RSBN1L: variants seen among roughly 807,000 people sequenced by gnomAD.
The protein encoded by RSBN1L is lysine-specific demethylase RSBN1L.
In RSBN1L, 30 loss-of-function variants were observed where a neutral mutation model predicts 67.7. That is an observed-to-expected ratio of 0.44 (90% CI 0.33 to 0.60). The LOEUF is 0.60. RSBN1L is among the 20% of genes least tolerant of loss of function. The pLI is 0.02. For missense variants in RSBN1L, 992 were observed against 1,031.7 expected (o/e 0.96, Z 0.53); for synonymous variants, 433 against 387.0 (o/e 1.12, Z -1.39).
intron 3 of RSBN1L, 149 bp downstream of exon 3, chr7:77,750,213 T>C (rs934794437): frequency 1.9e-4 from 72 of 378,300 alleles, no homozygotes; most frequent in Non-Finnish European, 3.0e-4. Flanking sequence ...ACTTTCTTGA[T>C]GTGAGCATCA....
chr7:77,727,000 C>T lies in RSBN1L; in HGVS notation c.587-9410C>T, dbSNP rs146855827. Among the ~76,000 whole-genome samples, 105 of 151,884 alleles carry T rather than the reference C, an allele frequency of 6.9e-4. 2 individuals are homozygous for T. In the East Asian group the frequency reaches 0.02, roughly 29 times the overall value. ...GTTTCACCATGTTGGCCAGGATGGT[C>T]TCAATCTCTTGACCTCGTGATCCAC... On this transcript the variant is annotated intron_variant, in intron 1 of 7. Transcript: ENST00000334955.
chr7:77,720,763 CTTTTTTT>C (rs34070122), intron 1 of RSBN1L, among the ~76,000 whole-genome samples: 16 of 104,360 alleles, frequency 1.5e-4, no homozygotes, highest in African/African-American at 3.2e-4. Flanking sequence ...TTTTCTTTTT[CTTTTTTT>C]TTTTTTTTTT....
rs759695949 is a variant in RSBN1L at position 77,749,947 on chromosome 7, T to G, written c.1227T>G (p.Thr409=). ...TGGGTATTGTTCATGGGGCAGCTACTTATTTACCTGACTTTTTAGACTATT... is the reference window on the plus strand; with the variant it reads ...TGGGTATTGTTCATGGGGCAGCTACGTATTTACCTGACTTTTTAGACTATT... ...YVMGIVHGAA[T]YLPDFLDYFS... The change falls in exon 3 of 8, where the codon ACT becomes ACG. Residue 409 remains threonine (T), a synonymous_variant. Transcript: ENST00000334955. The G allele has an allele frequency of 2.5e-6, 4 of 1,614,152 alleles. No individual in the cohort carries two copies. The highest frequency in any genetic ancestry group is 3.4e-6 in the Non-Finnish European group (4 of 1,179,998).
At chr7:77,697,133 G>A in intron 1 of RSBN1L, 78 bp downstream of exon 1, 1 of 1,291,556 alleles carries the variant, frequency 7.7e-7, no homozygotes, top group Non-Finnish European at 9.8e-7. Flanking sequence ...GGCCCGGGAA[G>A]GGGGAGCGCG....
intron 1 of RSBN1L, among the ~76,000 whole-genome samples, chr7:77,711,971 G>C (rs139327567): frequency 6.6e-6 from 1 of 152,238 alleles, no homozygotes; most frequent in Non-Finnish European, 1.5e-5. Flanking sequence ...ACCTGTGTGA[G>C]GGTAAGGGTC....
intron 2 of RSBN1L, among the ~76,000 whole-genome samples, chr7:77,745,714 A>G (rs546081092): frequency 3.1e-4 from 47 of 152,322 alleles, no homozygotes; most frequent in African/African-American, 1.1e-3. Flanking sequence ...ATTCAAGGAC[A>G]CTACATTTAT....
At chr7:77,709,152 TTGTG>T (rs67322019) in intron 1 of RSBN1L, among the ~76,000 whole-genome samples, 10,632 of 142,142 alleles carry the variant, frequency 0.075, 440 homozygotes, top group East Asian at 0.18. Flanking sequence ...GGGATTCTGT[TTGTG>T]TGTGTGTGTG....
chr7:77,703,480 T>G (rs1218589722), intron 1 of RSBN1L, among the ~76,000 whole-genome samples: 2 of 58,250 alleles, frequency 3.4e-5, no homozygotes, highest in African/African-American at 1.5e-4. Context: ...TGTTTGGGTT[T>G]TTTTTTTTTT....
Position 77,779,227 on chromosome 7 carries a change from G to A in RSBN1L, c.*59G>A, listed in dbSNP as rs1291640929. On this transcript the variant is annotated 3_prime_UTR_variant, in exon 8 of 8. Transcript: ENST00000334955. Reference sequence around the variant, plus strand: ...AAAATTTAATGTAATAAAGATTCATGAATTCTGAAAGCAAGCCAAGGACTT... The same window carrying A: ...AAAATTTAATGTAATAAAGATTCATAAATTCTGAAAGCAAGCCAAGGACTT... 4 of 1,251,166 alleles carry A rather than the reference G, an allele frequency of 3.2e-6. No individual in the cohort carries two copies. The highest frequency in any genetic ancestry group is 2.5e-5 in the East Asian group (1 of 40,456). 77.5% of individuals were successfully genotyped at this position (1,251,166 alleles called of 1,614,324 possible).
In RSBN1L at chr7:77,778,419, A is replaced by G; in HGVS notation, c.1875A>G (p.Leu625=). 1 of 1,612,846 alleles carries G rather than the reference A, an allele frequency of 6.2e-7. No homozygotes were observed. ...DFLEVVQRMQ[L]DLHEPPLSQC... is the part of the protein sequence containing the mutation. ...TAGAAGTAGTTCAACGAATGCAGTT[A>G]GATTTACATGAACCTCCACTGTCCC... The change falls in exon 7 of 8, where the codon TTA becomes TTG. Residue 625 remains leucine (L), a synonymous_variant. Coordinates refer to ENST00000334955, the MANE Select transcript of RSBN1L (RefSeq NM_198467.3).
chr7:77,724,068 C>T (rs1199510587), intron 1 of RSBN1L, among the ~76,000 whole-genome samples: 1 of 152,110 alleles, frequency 6.6e-6, no homozygotes, highest in East Asian at 1.9e-4. Context: ...ATGAATGAGC[C>T]TTTGCACCAG....
intron 1 of RSBN1L, among the ~76,000 whole-genome samples, chr7:77,734,360 ATG>A (rs1791305758): frequency 6.6e-6 from 1 of 152,168 alleles, no homozygotes; most frequent in Admixed American, 6.5e-5. Context: ...GGAAAAAGAA[ATG>A]TGGAGACGTT....
rs760311269 is a variant in RSBN1L, at chr7:77,696,664, C to G, written c.195C>G (p.Asn65Lys). Residue 65 changes from asparagine (N) to lysine (K), a missense_variant, in exon 1 of 8, where the codon AAC (asparagine) becomes AAG (lysine). Asn to Lys is a moderately conservative substitution (Grantham distance 94, BLOSUM62 0). Coordinates refer to ENST00000334955, the MANE Select transcript of RSBN1L (RefSeq NM_198467.3). ...ACGGAGAAGGGGGCAGCGGCGGGAA[C>G]AGCAGGCAGCTGCAGCCGCCGGCAG... is the stretch of plus-strand genomic sequence containing the variant. ...RVNGEGGSGG[N>K]SRQLQPPAAP... is the part of the protein sequence containing the mutation. The G allele has an allele frequency of 1.2e-6, 2 of 1,611,756 alleles. No individual in the cohort carries two copies. Among genetic ancestry groups the G allele is most frequent in the South Asian group, 2.2e-5 (2 of 91,058 alleles).
intron 2 of RSBN1L, among the ~76,000 whole-genome samples, 185 bp downstream of exon 2, chr7:77,736,711 A>G (rs1040749948): frequency 2.0e-5 from 3 of 152,226 alleles, no homozygotes; most frequent in African/African-American, 4.8e-5. Context: ...GTCTTATAGT[A>G]TATTTAGTGA....
intron 1 of RSBN1L, among the ~76,000 whole-genome samples, chr7:77,733,901 C>T (rs1215943537): frequency 6.6e-6 from 1 of 152,184 alleles, no homozygotes; most frequent in Non-Finnish European, 1.5e-5. Flanking sequence ...CCAAGGCGTG[C>T]AGATCACTTG....
chr7:77,705,969 T>G (rs1262518893), intron 1 of RSBN1L, among the ~76,000 whole-genome samples: 1 of 152,058 alleles, frequency 6.6e-6, no homozygotes, highest in Non-Finnish European at 1.5e-5. Flanking sequence ...GATGTGATCT[T>G]GGTTCACTGT....
intron 1 of RSBN1L, among the ~76,000 whole-genome samples, chr7:77,711,895 AT>A (rs1362476937): frequency 6.6e-6 from 1 of 152,210 alleles, no homozygotes; most frequent in Admixed American, 6.5e-5. Flanking sequence ...AGGACTGAGA[AT>A]CAGGAGGCCT....
Position 77,696,735 on chromosome 7 carries a change from C to T in RSBN1L, c.266C>T (p.Ala89Val). The change falls in exon 1 of 8, where the codon GCC becomes GTC. Residue 89 changes from alanine (A) to valine (V), a missense_variant. By Grantham distance (64) the Ala-to-Val change is moderately conservative. Coordinates refer to ENST00000334955, the MANE Select transcript of RSBN1L (RefSeq NM_198467.3). ...SYGSPASWSF[A>V]PLSAAPSPSS... Reference sequence around the variant, plus strand: ...GGCAGCCCCGCGTCTTGGAGCTTTGCCCCTCTGTCTGCTGCTCCCTCCCCG... The same window carrying T: ...GGCAGCCCCGCGTCTTGGAGCTTTGTCCCTCTGTCTGCTGCTCCCTCCCCG... 2 of 1,613,662 alleles carry T rather than the reference C, an allele frequency of 1.2e-6. No homozygotes were observed. Among genetic ancestry groups the T allele is most frequent in the South Asian group, 2.2e-5 (2 of 91,048 alleles).
intron 3 of RSBN1L, among the ~76,000 whole-genome samples, chr7:77,751,667 T>C (rs1261011499): frequency 1.3e-5 from 2 of 152,232 alleles, no homozygotes; most frequent in Admixed American, 6.5e-5. Context: ...TATTGAGTAC[T>C]GACTGTGCCA....
Sources: allele counts gnomAD v4.1 joint callset (sites outside exome capture counted in the v4.1 genomes callset), GRCh38; gene constraint gnomAD v4.1.1; transcripts MANE v1.5; gene names NCBI Gene and HGNC (gene_info 2026-07-23, HGNC 2026-07-21).